The following ZNF98 variants were observed in gnomAD, a reference collection of about 807,000 sequenced individuals.
ZNF98 encodes zinc finger protein 98, also known as zinc finger protein 739.
Under a neutral mutation model 12.8 loss-of-function variants are expected in ZNF98, and 8 were observed. That is an observed-to-expected ratio of 0.63 (90% confidence interval 0.37 to 1.13). The LOEUF (loss-of-function observed/expected upper bound fraction) is 1.13, where lower values mean the gene tolerates loss of function less well. Ranked by LOEUF, ZNF98 falls within the 50% of genes most tolerant of loss-of-function variation. The probability of loss-of-function intolerance (pLI) is 0.01; values close to 1 mark genes in which losing one functional copy is unlikely to be tolerated. For missense variants in ZNF98, 379 were observed against 666.1 expected, an observed-to-expected ratio of 0.57 and a Z score of 4.74; for synonymous variants, 112 against 223.5, an observed-to-expected ratio of 0.50 and a Z score of 4.45.
rs1276205766 is a variant in ZNF98 at position 22,411,663 on chromosome 19, A to G, written c.31-8151T>C. ...TTAGCTGTTAATATAATTTACATAT[A>G]TTTCAAAAAAGCAGAGAAAAATATC... is the stretch of plus-strand genomic sequence containing the variant. On this transcript the variant is annotated intron_variant, in intron 1 of 3. Transcript: ENST00000357774. 2.0e-5 allele frequency among the ~76,000 whole-genome samples: 3 copies of G among 152,094 alleles called. No homozygotes were observed. The East Asian group carries it at 5.9e-4, about 30-fold the overall frequency.
Position 22,416,801 on chromosome 19 carries a change from G to A in ZNF98, c.30+5394C>T, listed in dbSNP as rs539727768. Among the ~76,000 whole-genome samples, 12 of 151,642 alleles carry A rather than the reference G, an allele frequency of 7.9e-5. No homozygotes were observed. In the South Asian group the frequency reaches 1.0e-3, roughly 13 times the overall value. Reference sequence around the variant, plus strand: ...AATTATCATAAAATAGTGTGTGGCCGTTAAAACATGCACACACACACATAC... The same window carrying A: ...AATTATCATAAAATAGTGTGTGGCCATTAAAACATGCACACACACACATAC... On this transcript the variant is annotated intron_variant, in intron 1 of 3. Transcript: ENST00000357774.
chr19:22,396,047 T>TAAA (rs10647548), intron 3 of ZNF98, among the ~76,000 whole-genome samples: 5 of 149,772 alleles, frequency 3.3e-5, no homozygotes, highest in African/African-American at 9.9e-5. Flanking sequence ...GTAAAAGTAT[T>TAAA]AAAAAAAAAC....
Position 22,391,324 on chromosome 19 carries a change from ACTT to A in ZNF98, c.*189_*191del, listed in dbSNP as rs763396907. 56 of 1,191,540 alleles carry A rather than the reference ACTT, an allele frequency of 4.7e-5. No homozygotes were observed. Among genetic ancestry groups the A allele is most frequent in the African/African-American group, 1.2e-4 (8 of 64,544 alleles). The allele number at this position is 1,191,540 out of a possible 1,614,324, so 73.8% of individuals were successfully genotyped here. ...AATAAGATGTGTGCAGATATTAATC[ACTT>A]TTTTACTTTCTTTATATTTGTACAT... On this transcript the variant is annotated 3_prime_UTR_variant, in exon 4 of 4. Coordinates refer to ENST00000357774, the MANE Select transcript of ZNF98 (RefSeq NM_001098626.2).
chr19:22,409,915 A>C (rs964034255), intron 1 of ZNF98, among the ~76,000 whole-genome samples: 2 of 42,950 alleles, frequency 4.7e-5, no homozygotes, highest in African/African-American at 2.3e-4. Flanking sequence ...CTATCTCACA[A>C]AAAAAAAAAA....
At chr19:22,409,885 C>T (rs1487619202) in intron 1 of ZNF98, among the ~76,000 whole-genome samples, 1 of 139,574 alleles carries the variant, frequency 7.2e-6, no homozygotes, top group African/African-American at 2.8e-5. Context: ...GCACTCCAGC[C>T]TGGGAGACAG....
rs774151116 is a variant in ZNF98 at position 22,391,757 on chromosome 19, T to C, written c.1478A>G (p.Glu493Gly). 2.6e-4 allele frequency: 421 copies of C among 1,602,474 alleles called. 5 individuals carry two copies. Among genetic ancestry groups the C allele is most frequent in the Admixed American group, 3.4e-5 (2 of 58,606 alleles). ...CTGGTTAAAAGCTTTGCCACATTCTTCACATTTGTAGGGCTTCTCTCCAGT... is the reference window on the plus strand; with the variant it reads ...CTGGTTAAAAGCTTTGCCACATTCTCCACATTTGTAGGGCTTCTCTCCAGT... ...IHTGEKPYKCEECGKAFNQSS... is the reference protein window; with the variant it reads ...IHTGEKPYKCGECGKAFNQSS... The change falls in exon 4 of 4, where the codon GAA becomes GGA. Residue 493 changes from glutamate (E) to glycine (G), a missense_variant. By Grantham distance (98) the Glu-to-Gly change is moderately conservative (BLOSUM62 -2). Around this residue, in one of 8 missense-constraint regions of ZNF98, gnomAD observed 15 missense variants for 28.7 expected, o/e 0.52. Coordinates refer to ENST00000357774, the MANE Select transcript of ZNF98 (RefSeq NM_001098626.2).
At chr19:22,416,306 G>A (rs1568296765) in intron 1 of ZNF98, among the ~76,000 whole-genome samples, 1 of 148,832 alleles carries the variant, frequency 6.7e-6, no homozygotes, top group Non-Finnish European at 1.5e-5. Flanking sequence ...CCGTCTCTAC[G>A]AAAAATACAA....
At position 22,411,861 on chromosome 19, in the gene ZNF98, T is replaced by C. The variant is rs189827454; in HGVS notation, c.31-8349A>G. On this transcript the variant is annotated intron_variant, in intron 1 of 3. Coordinates refer to ENST00000357774, the MANE Select transcript of ZNF98 (RefSeq NM_001098626.2). ...TCTGAATTGTGAACTTGAAAGAATG[T>C]TTATGGTAAAAACGCAGAAGAGAGA... 2.5e-4 allele frequency among the ~76,000 whole-genome samples: 38 copies of C among 152,296 alleles called. 1 individual carries two copies. Among genetic ancestry groups the C allele is most frequent in the Admixed American group, 2.5e-3 (38 of 15,290 alleles).
In ZNF98 at chr19:22,392,136, T is replaced by C. The variant is rs1416260325; in HGVS notation, c.1099A>G (p.Thr367Ala). Residue 367 changes from threonine (T) to alanine (A), a missense_variant, in exon 4 of 4, where the codon ACA (threonine) becomes GCA (alanine). Coordinates refer to ENST00000357774, the MANE Select transcript of ZNF98 (RefSeq NM_001098626.2). ...TCTCCAGAATGAATTCTCTTATGTG[T>C]AGTAAGGTGGGATAACCGGCTAAAG... ...KAFSRLSHLT[T>A]HKRIHSGEKP... 4 of 1,612,738 alleles carry C rather than the reference T, an allele frequency of 2.5e-6. No homozygotes were observed. Among genetic ancestry groups the C allele is most frequent in the South Asian group, 1.1e-5 (1 of 90,906 alleles).
Position 22,394,008 on chromosome 19 carries a change from A to G in ZNF98, c.254-1027T>C, listed in dbSNP as rs1468898919. 5.4e-5 allele frequency among the ~76,000 whole-genome samples: 8 copies of G among 148,972 alleles called. No homozygotes were observed. In the East Asian group the frequency reaches 1.6e-3, roughly 29 times the overall value. On this transcript the variant is annotated intron_variant, in intron 3 of 3. Transcript: ENST00000357774. ...TTACAAGAAAAAAACTAACAACCCC[A>G]TCAAAAAGTGAGCAAAGGATGTGAA...
chr19:22,413,282 G>A (rs11673228), intron 1 of ZNF98, among the ~76,000 whole-genome samples: 54,167 of 151,808 alleles, frequency 0.36, 11,015 homozygotes, highest in Non-Finnish European at 0.46. Context: ...CAAACAGGAA[G>A]AGAGGATGTC....
chr19:22,414,232 C>CAAAAAAAAAA (rs57966582), intron 1 of ZNF98, among the ~76,000 whole-genome samples: 17 of 89,376 alleles, frequency 1.9e-4, no homozygotes, highest in South Asian at 1.0e-3. Context: ...GACTCCATCT[C>CAAAAAAAAAA]AAAAAAAAAA....
intron 1 of ZNF98, among the ~76,000 whole-genome samples, chr19:22,412,940 CTACT>C (rs1246769532): frequency 6.6e-6 from 1 of 151,984 alleles, no homozygotes; most frequent in African/African-American, 2.4e-5. Flanking sequence ...GTAATCCCAC[CTACT>C]CAGGAGGCTG....
At chr19:22,399,028 T>C (rs1969428661) in intron 3 of ZNF98, among the ~76,000 whole-genome samples, 1 of 152,134 alleles carries the variant, frequency 6.6e-6, no homozygotes, top group Admixed American at 6.6e-5. Context: ...CCGACTTACA[T>C]GTAAAAACAG....
In ZNF98 at chr19:22,397,274, G is replaced by A. The variant is rs181154523; in HGVS notation, c.254-4293C>T. On this transcript the variant is annotated intron_variant, in intron 3 of 3. Transcript: ENST00000357774. ...GCTCCAAACATATAAAGCAAACATT[G>A]ACAGAATAACAGAGACACATAGAGA... 5.2e-3 allele frequency among the ~76,000 whole-genome samples: 793 copies of A among 151,278 alleles called. 10 individuals carry two copies. Among genetic ancestry groups the A allele is most frequent in the African/African-American group, 0.018 (728 of 41,020 alleles).
chr19:22,395,385 T>C (rs1969379971), intron 3 of ZNF98, among the ~76,000 whole-genome samples: 2 of 151,652 alleles, frequency 1.3e-5, no homozygotes, highest in South Asian at 4.2e-4. Flanking sequence ...CAAATCTCAT[T>C]CCAGATTACA....
intron 1 of ZNF98, among the ~76,000 whole-genome samples, chr19:22,409,654 G>A (rs1275631850): frequency 6.6e-6 from 1 of 151,988 alleles, no homozygotes; most frequent in Admixed American, 6.6e-5. Context: ...GCTCACACCT[G>A]TCATCCCACC....
At chr19:22,395,997 T>C (rs187392707) in intron 3 of ZNF98, among the ~76,000 whole-genome samples, 1 of 151,874 alleles carries the variant, frequency 6.6e-6, no homozygotes, top group Admixed American at 6.6e-5. Context: ...GCATATGCCC[T>C]ACATATAAAA....
Position 22,391,675 on chromosome 19 carries a change from A to G in ZNF98, c.1560T>C (p.Cys520=). Residue 520 remains cysteine, a synonymous_variant, in exon 4 of 4, where the codon TGT becomes TGC. Transcript: ENST00000357774. ...TGTTAAAGGCTTTGCCGCATTCTTC[A>G]CACTTGTAGGGTTTCTCTCCAGTAT... ...MIHTGEKPYK[C]EECGKAFNNS... is the part of the protein sequence containing the mutation. The G allele has an allele frequency of 1.9e-6, 3 of 1,614,010 alleles. No individual in the cohort carries two copies. The highest frequency in any genetic ancestry group is 1.6e-4 in the Middle Eastern group (1 of 6,062).
Sources: gnomAD v4.1 joint callset for allele counts (sites outside exome capture counted in the v4.1 genomes callset) on GRCh38, gnomAD v4.1.1 for gene constraint, gnomAD v4.1.1 regional missense constraint, MANE v1.5 for transcripts, NCBI Gene and HGNC (gene_info 2026-07-23, HGNC 2026-07-21) for gene names.